FBXL2: variants seen among roughly 807,000 people sequenced by gnomAD.
The protein encoded by FBXL2 is F-box/LRR-repeat protein 2.
In FBXL2, 38 loss-of-function variants were observed where a neutral mutation model predicts 69.2. That is an observed-to-expected ratio of 0.55 (90% CI 0.42 to 0.72). The LOEUF (loss-of-function observed/expected upper bound fraction) is 0.72. Among genes scored for constraint, FBXL2 ranks in the 30% least tolerant of loss-of-function variants. FBXL2 has a pLI of 0.00. For missense variants in FBXL2, 354 were observed against 520.3 expected (o/e 0.68, Z 3.11); for synonymous variants, 192 against 201.3 (o/e 0.95, Z 0.39).
At chr3:33,400,860 G>A in intron 12 of FBXL2, 1 of 1,123,956 alleles carries the variant, frequency 8.9e-7, no homozygotes, top group South Asian at 1.4e-5. Flanking sequence ...TACCATACAT[G>A]TAACAAAACT....
intron 2 of FBXL2, among the ~76,000 whole-genome samples, chr3:33,354,109 T>C (rs941885138): frequency 1.3e-5 from 2 of 152,176 alleles, no homozygotes; most frequent in East Asian, 1.9e-4. Context: ...GGTTCATTAA[T>C]TGTAACAAAT....
chr3:33,332,912 CATAAAAAGGAAAGGA>C (rs1198757391), intron 2 of FBXL2, among the ~76,000 whole-genome samples: 4 of 152,086 alleles, frequency 2.6e-5, no homozygotes, highest in Non-Finnish European at 4.4e-5. Flanking sequence ...ATTATTCAGC[CATAAAAAGGAAAGGA>C]CTACGGATAC....
At chr3:33,317,394 G>T in intron 2 of FBXL2, 1 of 452,242 alleles carries the variant, frequency 2.2e-6, no homozygotes, top group Admixed American at 2.4e-5. Context: ...TGGGTGATAT[G>T]CATTCCTCTC....
At chr3:33,291,821 C>A (rs192101206) in intron 1 of FBXL2, among the ~76,000 whole-genome samples, 1 of 152,154 alleles carries the variant, frequency 6.6e-6, no homozygotes, top group Non-Finnish European at 1.5e-5. Context: ...GACTTAAAAT[C>A]AACCATGTCA....
chr3:33,297,822 A>G (rs1305196946), intron 2 of FBXL2, 97 bp downstream of exon 2: 4 of 781,174 alleles, frequency 5.1e-6, no homozygotes, highest in Middle Eastern at 4.7e-4. Flanking sequence ...ATAGCATAGA[A>G]AAACAGACAG....
chr3:33,412,186 C>CAA, the FBXL2 span, among the ~76,000 whole-genome samples: 21 of 63,394 alleles, frequency 3.3e-4, no homozygotes, highest in Admixed American at 1.3e-3. Flanking sequence ...AACTCCGTCT[C>CAA]AAAAAAAAAA....
chr3:33,379,011 CTT>C (rs879577468), intron 13 of FBXL2, among the ~76,000 whole-genome samples: 11 of 144,786 alleles, frequency 7.6e-5, no homozygotes, highest in African/African-American at 1.3e-4. Context: ...GAATGAACAT[CTT>C]TTTTTTTTTT....
intron 2 of FBXL2, among the ~76,000 whole-genome samples, chr3:33,316,828 A>G (rs1431079381): frequency 1.3e-5 from 2 of 152,134 alleles, no homozygotes; most frequent in African/African-American, 4.8e-5. Context: ...AATCAATTCT[A>G]TGAGTTGGGC....
At chr3:33,341,637 C>T (rs1423466583) in intron 2 of FBXL2, among the ~76,000 whole-genome samples, 1 of 151,842 alleles carries the variant, frequency 6.6e-6, no homozygotes, top group East Asian at 2.0e-4. Flanking sequence ...TGAGACCAAC[C>T]TGGCCAACAT....
At chr3:33,307,110 A>G (rs1448019395) in intron 2 of FBXL2, among the ~76,000 whole-genome samples, 5 of 152,166 alleles carry the variant, frequency 3.3e-5, no homozygotes, top group African/African-American at 4.8e-5. Flanking sequence ...AATGTTAATT[A>G]CAAAAGGAAA....
At chr3:33,385,459 T>C (rs115066682) in intron 14 of FBXL2, 42 bp from the exon 15 acceptor site, 34,801 of 1,486,032 alleles carry the variant, frequency 0.023, 538 homozygotes, top group South Asian at 0.047. Flanking sequence ...ATCCTAAAAA[T>C]AGTAATGTGT....
chr3:33,355,022 C>T (rs373164608), intron 2 of FBXL2, among the ~76,000 whole-genome samples: 55 of 152,276 alleles, frequency 3.6e-4, no homozygotes, highest in African/African-American at 7.7e-4. Context: ...TTGACCTCCC[C>T]GGGCTCTGTT....
At chr3:33,334,335 T>C (rs890201368) in intron 2 of FBXL2, among the ~76,000 whole-genome samples, 2 of 152,166 alleles carry the variant, frequency 1.3e-5, no homozygotes, top group African/African-American at 4.8e-5. Flanking sequence ...AGATGAGATA[T>C]TTCAAGGGAT....
chr3:33,305,438 T>A (rs2036627774), intron 2 of FBXL2, among the ~76,000 whole-genome samples: 2 of 152,182 alleles, frequency 1.3e-5, no homozygotes, highest in South Asian at 4.1e-4. Flanking sequence ...ATTTCTAGTA[T>A]TTAGTATTTT....
At chr3:33,290,694 G>C (rs1406490920) in intron 1 of FBXL2, among the ~76,000 whole-genome samples, 2 of 152,148 alleles carry the variant, frequency 1.3e-5, no homozygotes, top group East Asian at 3.8e-4. Flanking sequence ...CAGCATTCAA[G>C]ATCTGTGGGA....
the FBXL2 span, chr3:33,411,539 ATAAC>A: frequency 6.5e-7 from 1 of 1,544,742 alleles, no homozygotes; most frequent in Non-Finnish European, 8.9e-7. Flanking sequence ...CATGACCTAA[ATAAC>A]TAGGTTAGTA....
At position 33,384,070 on chromosome 3, in the gene FBXL2, G is replaced by A; in HGVS notation, c.1033G>A (p.Val345Ile). 5 of 1,614,148 alleles carry A rather than the reference G, an allele frequency of 3.1e-6. No homozygotes were observed. The highest frequency in any genetic ancestry group is 4.2e-6 in the Non-Finnish European group (5 of 1,180,020). The change falls in exon 14 of 15, where the codon GTA becomes ATA. Residue 345 changes from valine to isoleucine, a missense_variant. By Grantham distance (29) the Val-to-Ile change is conservative. Coordinates refer to ENST00000484457, the MANE Select transcript of FBXL2 (RefSeq NM_012157.5). ...TACCTGTGGCCATGAGAGGCTGCGG[G>A]TACTGGAGTTGGACAACTGCCTCCT... Reference protein sequence around the residue: ...NSTCGHERLRVLELDNCLLIT... With the variant: ...NSTCGHERLRILELDNCLLIT...
chr3:33,384,113 TG>T lies in FBXL2; in HGVS notation c.1078del (p.Glu360AsnfsTer3), dbSNP rs1575423517. The T allele has an allele frequency of 6.2e-7, 1 of 1,614,100 alleles. No individual in the cohort carries two copies. On this transcript the variant is annotated frameshift_variant, in exon 14 of 15. Transcript: ENST00000484457. LOFTEE classifies it high-confidence loss of function. Reference sequence around the variant, plus strand: ...TGCCTCCTCATCACTGATGTGGCCCTGGAACACCTAGAGAACTGCCGAGGCC... The same window carrying T: ...TGCCTCCTCATCACTGATGTGGCCCTGAACACCTAGAGAACTGCCGAGGCC... ...DNCLLITDVA[L>X]EHLENCRGLE...
intron 9 of FBXL2, 85 bp downstream of exon 9, chr3:33,374,006 G>T: frequency 7.7e-7 from 1 of 1,293,496 alleles, no homozygotes; most frequent in Non-Finnish European, 1.1e-6. Flanking sequence ...CAGCCCCCTA[G>T]GCACCTGAGA....
Sources: gnomAD v4.1 joint callset for allele counts (sites outside exome capture counted in the v4.1 genomes callset) on GRCh38, gnomAD v4.1.1 for gene constraint, MANE v1.5 for transcripts, NCBI Gene and HGNC (gene_info 2026-07-23, HGNC 2026-07-21) for gene names.